DRC5: variants seen among roughly 807,000 people sequenced by gnomAD.
DRC5 encodes dynein regulatory complex subunit 5.
At chr6:44,294,605 C>T in the DRC5 span, among the ~76,000 whole-genome samples, 1 of 151,028 alleles carries the variant, frequency 6.6e-6, no homozygotes, top group South Asian at 2.1e-4. Flanking sequence ...ATTAGCCAGG[C>T]ATGGTGGCAC....
the DRC5 span, chr6:44,285,980 G>A: frequency 1.2e-6 from 2 of 1,613,610 alleles, no homozygotes; most frequent in Admixed American, 1.7e-5. Context: ...GGTGTGGCAT[G>A]CCTTGATGGC....
At chr6:44,288,050 C>T in the DRC5 span, 1 of 478,322 alleles carries the variant, frequency 2.1e-6, no homozygotes, top group Non-Finnish European at 3.6e-6. Flanking sequence ...TCTGTGTGGC[C>T]TTGGGCAAGT....
At chr6:44,288,204 C>T in the DRC5 span, among the ~76,000 whole-genome samples, 2 of 152,048 alleles carry the variant, frequency 1.3e-5, no homozygotes, top group Non-Finnish European at 1.5e-5. Flanking sequence ...AGGAGCAGCC[C>T]CAAATTTTAG....
the DRC5 span, chr6:44,286,390 G>C: frequency 1.9e-6 from 3 of 1,614,124 alleles, no homozygotes; most frequent in Non-Finnish European, 2.5e-6. Context: ...CGTGGCACAC[G>C]GGCCAGCGAT....
At chr6:44,296,633 C>T in the DRC5 span, among the ~76,000 whole-genome samples, 1 of 140,906 alleles carries the variant, frequency 7.1e-6, no homozygotes, top group African/African-American at 2.5e-5. Flanking sequence ...TCCCCTCCTC[C>T]CTTCCTCTTA....
chr6:44,286,992 T>C, the DRC5 span, among the ~76,000 whole-genome samples: 1 of 152,210 alleles, frequency 6.6e-6, no homozygotes, highest in Non-Finnish European at 1.5e-5. Context: ...CTCTCCCTTT[T>C]GGAGTTTACA....
At chr6:44,286,446 C>T in the DRC5 span, 10 of 1,614,164 alleles carry the variant, frequency 6.2e-6, no homozygotes, top group East Asian at 2.2e-5. Context: ...ATCAGGTTGG[C>T]GGTCACAGCC....
At chr6:44,282,315 A>G in the DRC5 span, 2 of 1,614,028 alleles carry the variant, frequency 1.2e-6, no homozygotes, top group African/African-American at 1.3e-5. Context: ...GAGGGAAATG[A>G]GGTTGGTGTT....
At chr6:44,286,187 G>A in the DRC5 span, 68 of 1,611,664 alleles carry the variant, frequency 4.2e-5, no homozygotes, top group Admixed American at 5.0e-4. Flanking sequence ...CTGGTCGCCC[G>A]GCCGGAGCTG....
At chr6:44,280,192 A>C in the DRC5 span, 15 of 1,613,938 alleles carry the variant, frequency 9.3e-6, no homozygotes, top group Non-Finnish European at 1.3e-5. Context: ...TATCCCACAG[A>C]GTTCTCAGGG....
At chr6:44,297,197 G>C in the DRC5 span, among the ~76,000 whole-genome samples, 2 of 152,180 alleles carry the variant, frequency 1.3e-5, no homozygotes, top group Non-Finnish European at 2.9e-5. Flanking sequence ...CAGGGAAACC[G>C]GCAGTGCAGT....
the DRC5 span, among the ~76,000 whole-genome samples, chr6:44,289,001 A>AAAAAAAG: frequency 2.4e-5 from 3 of 124,978 alleles, no homozygotes; most frequent in Non-Finnish European, 3.4e-5. Flanking sequence ...CTCAAAAAAA[A>AAAAAAAG]AAAAAAAAAA....
the DRC5 span, among the ~76,000 whole-genome samples, chr6:44,290,721 G>A: frequency 1.3e-5 from 2 of 152,204 alleles, no homozygotes; most frequent in Non-Finnish European, 2.9e-5. Flanking sequence ...CAGGGAGCAG[G>A]ACCAGGCTTG....
At chr6:44,289,039 T>A in the DRC5 span, among the ~76,000 whole-genome samples, 1 of 102,036 alleles carries the variant, frequency 9.8e-6, no homozygotes, top group African/African-American at 3.5e-5. Context: ...CAGGTGAAAT[T>A]AGCTTTTTTT....
chr6:44,279,748 G>A, the DRC5 span: 2 of 135,254 alleles, frequency 1.5e-5, no homozygotes, highest in Non-Finnish European at 3.2e-5. Flanking sequence ...GTAGCCAGAG[G>A]GTGTGTGTGT....
At chr6:44,280,524 G>A in the DRC5 span, 1 of 665,440 alleles carries the variant, frequency 1.5e-6, no homozygotes, top group Non-Finnish European at 2.6e-6. Context: ...TGTGACGCAT[G>A]ATGACATATT....
the DRC5 span, chr6:44,282,233 G>GCAC: frequency 7.4e-6 from 12 of 1,614,120 alleles, no homozygotes; most frequent in Non-Finnish European, 1.0e-5. Flanking sequence ...GCGTGGTGAG[G>GCAC]CACTTGTTGG....
At chr6:44,285,984 T>C in the DRC5 span, 1 of 1,613,606 alleles carries the variant, frequency 6.2e-7, no homozygotes, top group Non-Finnish European at 8.5e-7. Context: ...TGGCATGCCT[T>C]GATGGCGGCT....
At chr6:44,281,284 CA>C in the DRC5 span, among the ~76,000 whole-genome samples, 4 of 152,008 alleles carry the variant, frequency 2.6e-5, no homozygotes, top group Admixed American at 2.6e-4. Context: ...TAATGGGTCA[CA>C]GAAGCATTTT....
Sources: allele counts gnomAD v4.1 joint callset (sites outside exome capture counted in the v4.1 genomes callset), GRCh38; gene constraint gnomAD v4.1.1; transcripts MANE v1.5; gene names NCBI Gene and HGNC (gene_info 2026-07-23, HGNC 2026-07-21).